The following EPHA6 variants were observed in gnomAD, a reference collection of about 807,000 sequenced individuals.
EPHA6 encodes ephrin type-A receptor 6.
A neutral mutation model predicts 112.0 loss-of-function variants in EPHA6; 50 were observed. That is an observed-to-expected ratio of 0.45 (90% CI 0.36 to 0.56). The LOEUF is 0.56. EPHA6 is among the 20% of genes least tolerant of loss of function. EPHA6 has a pLI of 0.00. For synonymous variants in EPHA6, 529 were observed against 490.7 expected (o/e 1.08, Z -1.03); for missense variants, 1,280 against 1,417.4 (o/e 0.90, Z 1.56).
intron 10 of EPHA6, among the ~76,000 whole-genome samples, chr3:97,486,050 T>C (rs2091691497): frequency 1.3e-5 from 2 of 152,186 alleles, no homozygotes; most frequent in Admixed American, 1.3e-4. Flanking sequence ...AAATATAAAT[T>C]GTTCTCTTAA....
At chr3:96,946,252 C>T (rs1328902928) in intron 2 of EPHA6, among the ~76,000 whole-genome samples, 2 of 151,878 alleles carry the variant, frequency 1.3e-5, no homozygotes, top group African/African-American at 2.4e-5. Context: ...TATACGTGTG[C>T]CATATTGGTG....
intron 3 of EPHA6, among the ~76,000 whole-genome samples, chr3:97,204,241 A>G (rs1425199308): frequency 6.6e-6 from 1 of 152,160 alleles, no homozygotes; most frequent in East Asian, 1.9e-4. Flanking sequence ...TTAATTTCCT[A>G]TGTACTAGGC....
intron 2 of EPHA6, among the ~76,000 whole-genome samples, chr3:96,923,266 A>C (rs1488201505): frequency 2.0e-5 from 3 of 152,190 alleles, no homozygotes; most frequent in African/African-American, 7.2e-5. Context: ...AACAATGAAA[A>C]AAACATTTTT....
intron 10 of EPHA6, among the ~76,000 whole-genome samples, chr3:97,529,806 C>T (rs982706034): frequency 6.6e-6 from 1 of 151,930 alleles, no homozygotes; most frequent in Admixed American, 6.6e-5. Context: ...AGTGTGAAAA[C>T]AGCTTGATCA....
At chr3:97,447,042 T>C (rs910876379) in intron 6 of EPHA6, among the ~76,000 whole-genome samples, 1 of 152,198 alleles carries the variant, frequency 6.6e-6, no homozygotes, top group Non-Finnish European at 1.5e-5. Context: ...ACTTTATGTT[T>C]AATAAGCAGT....
intron 14 of EPHA6, among the ~76,000 whole-genome samples, chr3:97,699,317 T>G (rs2033229450): frequency 1.3e-5 from 2 of 152,250 alleles, no homozygotes; most frequent in South Asian, 4.1e-4. Context: ...TTCTACATAG[T>G]GTTCAGCAGA....
intron 14 of EPHA6, among the ~76,000 whole-genome samples, chr3:97,681,550 A>T (rs1576277021): frequency 6.6e-6 from 1 of 152,098 alleles, no homozygotes; most frequent in South Asian, 2.1e-4. Flanking sequence ...CTTCAGTGGG[A>T]TGACTTTAAA....
At chr3:97,592,578 A>G (rs905345968) in intron 11 of EPHA6, 34 bp from the exon 12 acceptor site, 1 of 1,610,998 alleles carries the variant, frequency 6.2e-7, no homozygotes, top group East Asian at 2.2e-5. Flanking sequence ...CATAAAGAAG[A>G]CTTTGATTAA....
chr3:97,426,604 A>C (rs748601565), intron 6 of EPHA6, among the ~76,000 whole-genome samples: 1 of 152,210 alleles, frequency 6.6e-6, no homozygotes, highest in Non-Finnish European at 1.5e-5. Flanking sequence ...TCCTAGAAGA[A>C]AACCTAGGAA....
chr3:97,604,359 C>A (rs996103790), intron 12 of EPHA6, among the ~76,000 whole-genome samples: 3 of 151,544 alleles, frequency 2.0e-5, no homozygotes, highest in African/African-American at 4.8e-5. Context: ...GCCTGGGACA[C>A]AAGAATTTTA....
intron 11 of EPHA6, among the ~76,000 whole-genome samples, chr3:97,548,121 A>G (rs1268316057): frequency 2.0e-5 from 3 of 152,152 alleles, no homozygotes; most frequent in Non-Finnish European, 4.4e-5. Flanking sequence ...CCGGTTCCTC[A>G]GTTGGAAATG....
chr3:97,346,608 T>C (rs1349334502), intron 5 of EPHA6, among the ~76,000 whole-genome samples: 2 of 151,970 alleles, frequency 1.3e-5, no homozygotes, highest in African/African-American at 4.8e-5. Flanking sequence ...AAGGAACGTT[T>C]ACAGGACATA....
chr3:97,351,893 A>G (rs2083834612), intron 5 of EPHA6, among the ~76,000 whole-genome samples: 1 of 152,172 alleles, frequency 6.6e-6, no homozygotes, highest in Admixed American at 6.5e-5. Flanking sequence ...GTTTATCATT[A>G]TAATTAAAGA....
At chr3:97,455,813 C>T (rs1337732915) in intron 7 of EPHA6, among the ~76,000 whole-genome samples, 1 of 149,768 alleles carries the variant, frequency 6.7e-6, no homozygotes. Context: ...ACTATTTGCA[C>T]AGAAAGTAGA....
At chr3:96,970,308 G>A (rs551804180) in intron 2 of EPHA6, among the ~76,000 whole-genome samples, 1 of 151,338 alleles carries the variant, frequency 6.6e-6, no homozygotes, top group Non-Finnish European at 1.5e-5. Context: ...GAGAGAAAGT[G>A]CCTCTTAGTT....
At chr3:97,473,312 C>T (rs1223530891) in intron 7 of EPHA6, among the ~76,000 whole-genome samples, 1 of 151,362 alleles carries the variant, frequency 6.6e-6, no homozygotes, top group African/African-American at 2.4e-5. Flanking sequence ...AGGGTCATAA[C>T]TTAAGATTGT....
At chr3:96,861,100 G>A (rs1327821307) in intron 1 of EPHA6, among the ~76,000 whole-genome samples, 1 of 152,020 alleles carries the variant, frequency 6.6e-6, no homozygotes, top group Admixed American at 6.6e-5. Flanking sequence ...GTAATAGCAG[G>A]TTTTAGGAAT....
At chr3:97,318,097 AAT>A (rs1240587048) in intron 5 of EPHA6, among the ~76,000 whole-genome samples, 4 of 152,052 alleles carry the variant, frequency 2.6e-5, no homozygotes, top group Non-Finnish European at 5.9e-5. Flanking sequence ...GTTTGGGAGA[AAT>A]ACATAAATCT....
In EPHA6 at chr3:97,288,637, C is replaced by T. The variant is rs2080561590; in HGVS notation, c.1606+44350C>T. Reference sequence around the variant, plus strand: ...GGTCAGATGGTAGTTCTAAGTTCTTCAAGAAATCTCCAAATTTCTTTCCAC... The same window carrying T: ...GGTCAGATGGTAGTTCTAAGTTCTTTAAGAAATCTCCAAATTTCTTTCCAC... On this transcript the variant is annotated intron_variant, in intron 5 of 17. Coordinates refer to ENST00000389672, the MANE Select transcript of EPHA6 (RefSeq NM_001080448.3). 3.9e-5 allele frequency among the ~76,000 whole-genome samples: 6 copies of T among 152,176 alleles called. No homozygotes were observed. The South Asian group carries it at 1.0e-3, about 26-fold the overall frequency.
Sources: allele counts gnomAD v4.1 joint callset (sites outside exome capture counted in the v4.1 genomes callset), GRCh38; gene constraint gnomAD v4.1.1; transcripts MANE v1.5; gene names NCBI Gene and HGNC (gene_info 2026-07-23, HGNC 2026-07-21).